Variants in PRDM2 observed in about 807,000 individuals in gnomAD.
The protein encoded by PRDM2 is PR/SET domain 2, also known as PR domain zinc finger protein 2.
In PRDM2, 30 loss-of-function variants were observed where a neutral mutation model predicts 130.0. The observed-to-expected ratio is 0.23, with a 90% CI of 0.17 to 0.31. The LOEUF is 0.31. Ranked by LOEUF, PRDM2 falls within the 10% of genes least tolerant of loss-of-function variation. PRDM2 has a pLI of 1.00. For missense variants in PRDM2, 2,011 were observed against 2,108.4 expected, an observed-to-expected ratio of 0.95 and a Z score of 0.90; for synonymous variants, 871 against 782.4, an observed-to-expected ratio of 1.11 and a Z score of -1.89.
intron 6 of PRDM2, among the ~76,000 whole-genome samples, chr1:13,756,076 CCT>C (rs1003009362): frequency 6.6e-6 from 1 of 150,780 alleles, no homozygotes; most frequent in Non-Finnish European, 1.5e-5. Context: ...ATGGTGAAAC[CCT>C]GTCTCTTCTA....
At chr1:13,724,094 GGTAGA>G (rs1642826867) in intron 2 of PRDM2, among the ~76,000 whole-genome samples, 1 of 152,162 alleles carries the variant, frequency 6.6e-6, no homozygotes, top group Non-Finnish European at 1.5e-5. Flanking sequence ...GTGTTCTCTG[GGTAGA>G]GCCCAGGCCT....
chr1:13,817,190 G>A (rs1463915282), intron 9 of PRDM2, among the ~76,000 whole-genome samples: 1 of 152,112 alleles, frequency 6.6e-6, no homozygotes, highest in African/African-American at 2.4e-5. Flanking sequence ...AGCGTTTCAG[G>A]TTTCAGATTT....
intron 8 of PRDM2, among the ~76,000 whole-genome samples, chr1:13,788,877 T>A (rs1390051161): frequency 6.6e-6 from 1 of 152,226 alleles, no homozygotes; most frequent in Non-Finnish European, 1.5e-5. Context: ...TGGCTGCGTC[T>A]TCTGTGTTTT....
chr1:13,768,204 A>G (rs761453151), intron 6 of PRDM2, among the ~76,000 whole-genome samples: 2 of 150,406 alleles, frequency 1.3e-5, no homozygotes, highest in Non-Finnish European at 3.0e-5. Flanking sequence ...CAGCCTCCCA[A>G]GTAGCTGGGA....
chr1:13,769,092 G>T (rs1259379686), intron 6 of PRDM2: 1 of 972,034 alleles, frequency 1.0e-6, no homozygotes, highest in Non-Finnish European at 1.2e-6. Flanking sequence ...CACTTCCCTT[G>T]TGTTTCATTC....
chr1:13,755,574 T>C (rs1031353387), intron 6 of PRDM2, among the ~76,000 whole-genome samples: 7 of 152,186 alleles, frequency 4.6e-5, no homozygotes, highest in Non-Finnish European at 2.9e-5. Context: ...AATTTGAAAG[T>C]AAAAAACCTA....
rs1320458032 is a variant in PRDM2 at position 13,781,050 on chromosome 1, T to G, written c.3255T>G (p.Val1085=). 5.0e-6 allele frequency: 8 copies of G among 1,611,874 alleles called. No individual in the cohort carries two copies. Among genetic ancestry groups the G allele is most frequent in the African/African-American group, 1.3e-5 (1 of 74,826 alleles). Residue 1085 remains valine, a synonymous_variant, in exon 8 of 10, where the codon GTT becomes GTG. Transcript: ENST00000311066. This position sits in a 1 kb window ranked among gnomAD's most constrained non-coding sequence, Gnocchi z 6.1. ...CTCTCTCCGCAATATCATCTGTTGTTTCCTCTGGTGATAATCTGGAGGCTT... is the reference window on the plus strand; with the variant it reads ...CTCTCTCCGCAATATCATCTGTTGTGTCCTCTGGTGATAATCTGGAGGCTT... The part of the protein sequence containing the change: ...PPPLSAISSV[V]SSGDNLEASL...
chr1:13,769,845 C>A (rs867171173), intron 6 of PRDM2, among the ~76,000 whole-genome samples: 1 of 152,206 alleles, frequency 6.6e-6, no homozygotes, highest in Non-Finnish European at 1.5e-5. Context: ...ATGCATTGAT[C>A]TAGTCCAGTG....
At chr1:13,794,045 A>G (rs895263001) in intron 8 of PRDM2, among the ~76,000 whole-genome samples, 5 of 152,236 alleles carry the variant, frequency 3.3e-5, no homozygotes, top group African/African-American at 7.2e-5. Context: ...CTGGTCTGCC[A>G]TGATTACATA....
chr1:13,798,065 G>A (rs530720357), intron 8 of PRDM2, among the ~76,000 whole-genome samples: 13 of 152,100 alleles, frequency 8.5e-5, no homozygotes, highest in Non-Finnish European at 1.8e-4. Flanking sequence ...AGGAGCTGGG[G>A]ACATTTCTGA....
At chr1:13,812,472 T>C (rs909935526) in intron 8 of PRDM2, among the ~76,000 whole-genome samples, 5 of 152,154 alleles carry the variant, frequency 3.3e-5, no homozygotes, top group Non-Finnish European at 5.9e-5. Flanking sequence ...TGGGCTTTAG[T>C]TGTAACAACA....
chr1:13,790,691 C>T lies in PRDM2; in HGVS notation c.5036+7860C>T, dbSNP rs368161951. On this transcript the variant is annotated intron_variant, in intron 8 of 9. Transcript: ENST00000311066. Reference sequence around the variant, plus strand: ...CTAATGTCAAAATAGAAGTTGAATACGGTTTGAGGTTTGAGTGGGTGGCAT... The same window carrying T: ...CTAATGTCAAAATAGAAGTTGAATATGGTTTGAGGTTTGAGTGGGTGGCAT... Among the ~76,000 whole-genome samples the T allele has an allele frequency of 1.0e-3, 153 of 152,244 alleles. 1 individual carries two copies. Among genetic ancestry groups the T allele is most frequent in the African/African-American group, 3.5e-3 (146 of 41,540 alleles).
chr1:13,819,124 C>T (rs763951997), intron 9 of PRDM2, among the ~76,000 whole-genome samples: 3 of 152,128 alleles, frequency 2.0e-5, no homozygotes, highest in African/African-American at 4.8e-5. Context: ...GATGGGCACC[C>T]GGGACTTGCT....
rs115529736 is a variant in PRDM2, at chr1:13,719,484, C to T, written c.9+3870C>T. On this transcript the variant is annotated intron_variant, in intron 2 of 9. Coordinates refer to ENST00000311066, the MANE Select transcript of PRDM2 (RefSeq NM_001393986.1). ...GATTTTCATTTTTAGGATGTCCTCCCCACTGTGCTATGGAGACTGGATTGT... is the reference window on the plus strand; with the variant it reads ...GATTTTCATTTTTAGGATGTCCTCCTCACTGTGCTATGGAGACTGGATTGT... 3.6e-3 allele frequency among the ~76,000 whole-genome samples: 541 copies of T among 152,266 alleles called. 3 individuals carry two copies. Among genetic ancestry groups the T allele is most frequent in the African/African-American group, 0.012 (516 of 41,552 alleles).
intron 1 of PRDM2, among the ~76,000 whole-genome samples, chr1:13,700,842 T>G (rs1274777749): frequency 6.6e-6 from 1 of 152,146 alleles, no homozygotes; most frequent in Admixed American, 6.5e-5. Context: ...CCCTCAATGT[T>G]CCCATAGACC....
At chr1:13,801,207 C>T (rs1001825497) in intron 8 of PRDM2, among the ~76,000 whole-genome samples, 3 of 152,184 alleles carry the variant, frequency 2.0e-5, no homozygotes, top group African/African-American at 4.8e-5. Context: ...GGCCAGGGCC[C>T]TTCTGTGCAG....
intron 5 of PRDM2, 69 bp from the exon 6 acceptor site, chr1:13,749,278 CGCCCGCGTCCCGGT>C: frequency 8.0e-7 from 1 of 1,249,284 alleles, no homozygotes; most frequent in Non-Finnish European, 1.0e-6. Flanking sequence ...GCGCCGCTCC[CGCCCGCGTCCCGGT>C]GCGCGCCCCG....
At chr1:13,799,311 G>A (rs1026147107) in intron 8 of PRDM2, among the ~76,000 whole-genome samples, 2 of 152,124 alleles carry the variant, frequency 1.3e-5, no homozygotes, top group African/African-American at 4.8e-5. Context: ...TGGGCATAGT[G>A]ACGGGCGTCT....
At chr1:13,769,995 A>C (rs973513825) in intron 6 of PRDM2, among the ~76,000 whole-genome samples, 7 of 152,156 alleles carry the variant, frequency 4.6e-5, no homozygotes, top group Non-Finnish European at 1.0e-4. Flanking sequence ...CTTCCAGTGC[A>C]TCAGACAGCC....
Sources: gnomAD v4.1 joint callset for allele counts (sites outside exome capture counted in the v4.1 genomes callset) on GRCh38, gnomAD v4.1.1 for gene constraint, Gnocchi (gnomAD v3.1) non-coding constraint, MANE v1.5 for transcripts, NCBI Gene and HGNC (gene_info 2026-07-23, HGNC 2026-07-21) for gene names.